Variants in PLIN5 observed in about 807,000 individuals in gnomAD.
PLIN5 encodes perilipin-5.
PLIN5 carries 34 observed loss-of-function variants against 32.8 expected under a neutral mutation model. The observed-to-expected ratio is 1.04, with a 90% CI of 0.79 to 1.38. The LOEUF (loss-of-function observed/expected upper bound fraction) is 1.38. Among genes scored for constraint, PLIN5 ranks in the 40% most tolerant of loss-of-function variants. The pLI is 0.00. For missense variants in PLIN5, 712 were observed against 660.5 expected (o/e 1.08, Z -0.85); for synonymous variants, 309 against 292.9 (o/e 1.05, Z -0.56).
Position 4,523,371 on chromosome 19 carries a change from G to A in PLIN5, c.*157C>T. 2.5e-6 allele frequency: 2 copies of A among 797,812 alleles called. No homozygotes were observed. Among genetic ancestry groups the A allele is most frequent in the Non-Finnish European group, 3.6e-6 (2 of 550,150 alleles). 49.4% of individuals were successfully genotyped at this position (797,812 alleles called of 1,614,324 possible). On this transcript the variant is annotated 3_prime_UTR_variant, in exon 8 of 8. Transcript: ENST00000381848. The surrounding 1 kb of genome is among the most constrained non-coding windows in gnomAD (Gnocchi z 5.0). ...CCATGTGTTCAAGGAAAAAATGGGA[G>A]AGTCCAATACCAAAAAGGTGGTCAG...
At position 4,527,538 on chromosome 19, in the gene PLIN5, CAAAA is replaced by C. The variant is rs1176219746; in HGVS notation, c.520+1531_520+1534del. Among the ~76,000 whole-genome samples, 94 of 29,654 alleles carry C rather than the reference CAAAA, an allele frequency of 3.2e-3. 1 individual carries two copies. The highest frequency in any genetic ancestry group is 0.011 in the African/African-American group (92 of 8,350). 19.5% of individuals were successfully genotyped at this position (29,654 alleles called of 152,430 possible). On this transcript the variant is annotated intron_variant, in intron 5 of 7. Coordinates refer to ENST00000381848, the MANE Select transcript of PLIN5 (RefSeq NM_001013706.3). ...TGGGCGACAGAGTGAGACTCCACTT[CAAAA>C]AAAAAAAAAAAAAAAAAAAAAAAAC... is the stretch of plus-strand genomic sequence containing the variant.
chr19:4,534,218 G>T, intron 1 of PLIN5, 123 bp from the exon 2 acceptor site: 1 of 742,800 alleles, frequency 1.3e-6, no homozygotes, highest in Admixed American at 2.2e-5. Context: ...TGCATAATGG[G>T]GCATTCTGTG....
chr19:4,529,989 G>C (rs1426747848), intron 3 of PLIN5, 123 bp from the exon 4 acceptor site: 1 of 538,308 alleles, frequency 1.9e-6, no homozygotes, highest in Admixed American at 3.2e-5. Flanking sequence ...AAGGAGACCA[G>C]GATAAGACAG....
chr19:4,533,480 T>G (rs1599765839), intron 2 of PLIN5: 1 of 166,126 alleles, frequency 6.0e-6, no homozygotes, highest in Non-Finnish European at 1.3e-5. Context: ...AGTCTGGGGG[T>G]TCAGAGCACT....
chr19:4,528,417 T>TC (rs1217038085), intron 5 of PLIN5: 1 of 142,286 alleles, frequency 7.0e-6, no homozygotes, highest in Admixed American at 6.7e-5. Flanking sequence ...GTTTTTCTTT[T>TC]TTTTTTTTTG....
chr19:4,524,722 T>TAAATAATA (rs1976777434), intron 7 of PLIN5, among the ~76,000 whole-genome samples: 1 of 148,728 alleles, frequency 6.7e-6, no homozygotes, highest in African/African-American at 2.5e-5. Context: ...CAAAAATAAA[T>TAAATAATA]AAATAATAAA....
rs1976752235 is a variant in PLIN5, at chr19:4,523,193, G to A, written c.*335C>T. ...ACCTGCCTCAGACTCCCAAAGTGCT[G>A]GGATTACAGGCGTGAGCCACTGTGC... On this transcript the variant is annotated 3_prime_UTR_variant, in exon 8 of 8. Transcript: ENST00000381848. The surrounding 1 kb of genome is among the most constrained non-coding windows in gnomAD (Gnocchi z 5.0). 1 of 227,992 alleles carries A rather than the reference G, an allele frequency of 4.4e-6. No homozygotes were observed. The highest frequency in any genetic ancestry group is 8.5e-6 in the Non-Finnish European group (1 of 117,680). 14.1% of individuals were successfully genotyped at this position (227,992 alleles called of 1,614,324 possible). A position where few individuals can be genotyped will look rare whatever the true frequency, so the allele number is the denominator to read the frequency against.
rs375098526 is a variant in PLIN5 at position 4,531,809 on chromosome 19, C to G, written c.74G>C (p.Arg25Pro). Residue 25 changes from arginine to proline, a missense_variant, in exon 3 of 8, where the codon CGT (arginine) becomes CCT (proline). Coordinates refer to ENST00000381848, the MANE Select transcript of PLIN5 (RefSeq NM_001013706.3). The stretch of plus-strand genomic sequence containing the variant: ...CCTGACCAGGGGCAGAGCCACCACA[C>G]GCTGCACCACGTTCTGCGGGAAGGG... ...WEQDQQNVVQ[R>P]VVALPLVRAT... is the part of the protein sequence containing the mutation. The G allele has an allele frequency of 1.9e-6, 3 of 1,559,458 alleles. No individual in the cohort carries two copies. The highest frequency in any genetic ancestry group is 4.7e-5 in the East Asian group (2 of 42,438).
chr19:4,524,001 C>T lies in PLIN5; in HGVS notation c.919G>A (p.Gly307Ser). ...TTCTCCTGGGCGCCGGCGGGCAGGC[C>T]CCGCACGCTGGACTCCAGAGCCTCT... ...TVEALESSVR[G>S]LPAGAQEKVA... The change falls in exon 8 of 8, where the codon GGC (glycine) becomes AGC (serine). Residue 307 changes from glycine to serine, a missense_variant. Coordinates refer to ENST00000381848, the MANE Select transcript of PLIN5 (RefSeq NM_001013706.3). 1 of 1,521,498 alleles carries T rather than the reference C, an allele frequency of 6.6e-7. No homozygotes were observed. Among genetic ancestry groups the T allele is most frequent in the Non-Finnish European group, 8.8e-7 (1 of 1,142,182 alleles). 94.2% of individuals were successfully genotyped at this position (1,521,498 alleles called of 1,614,324 possible).
At chr19:4,533,815 G>C (rs1976915345) in intron 2 of PLIN5, 200 bp downstream of exon 2, 1 of 626,748 alleles carries the variant, frequency 1.6e-6, no homozygotes, top group Non-Finnish European at 2.8e-6. Context: ...GGGTGTCTTT[G>C]AGAGACACTC....
Position 4,523,454 on chromosome 19 carries a change from G to T in PLIN5, c.*74C>A, listed in dbSNP as rs1254462948. On this transcript the variant is annotated 3_prime_UTR_variant, in exon 8 of 8. Coordinates refer to ENST00000381848, the MANE Select transcript of PLIN5 (RefSeq NM_001013706.3). The surrounding 1 kb of genome is among the most constrained non-coding windows in gnomAD (Gnocchi z 5.0). Reference sequence around the variant, plus strand: ...GTCAAGGCCAAGGCCTCGAGCTTACGTGTGGCCACCAGGGGGCAGCAGGGA... The same window carrying T: ...GTCAAGGCCAAGGCCTCGAGCTTACTTGTGGCCACCAGGGGGCAGCAGGGA... The T allele has an allele frequency of 2.7e-6, 4 of 1,465,294 alleles. No homozygotes were observed. Among genetic ancestry groups the T allele is most frequent in the Admixed American group, 4.8e-5 (2 of 41,814 alleles). 90.8% of individuals were successfully genotyped at this position (1,465,294 alleles called of 1,614,324 possible).
At chr19:4,529,276 T>C (rs1363602312) in intron 4 of PLIN5, 23 bp from the exon 5 acceptor site, 1 of 1,574,372 alleles carries the variant, frequency 6.4e-7, no homozygotes, top group Admixed American at 1.8e-5. Context: ...GCCCCCCCAC[T>C]CCAGGCACCG....
At position 4,528,912 on chromosome 19, in the gene PLIN5, G is replaced by A. The variant is rs1976841766; in HGVS notation, c.520+161C>T. 10 of 726,406 alleles carry A rather than the reference G, an allele frequency of 1.4e-5. No individual in the cohort carries two copies. The South Asian group carries it at 1.5e-4, about 11-fold the overall frequency. The allele number at this position is 726,406 out of a possible 1,614,324, so 45.0% of individuals were successfully genotyped here. On this transcript the variant is annotated intron_variant, in intron 5 of 7. Coordinates refer to ENST00000381848, the MANE Select transcript of PLIN5 (RefSeq NM_001013706.3). Reference sequence around the variant, plus strand: ...CTGGCGGGATGCAGGTTGAGGGGCCGTGGAAGTGACCGGGAGGGAGGACAG... The same window carrying A: ...CTGGCGGGATGCAGGTTGAGGGGCCATGGAAGTGACCGGGAGGGAGGACAG...
chr19:4,524,372 C>T (rs145106300), intron 7 of PLIN5, among the ~76,000 whole-genome samples: 3 of 152,216 alleles, frequency 2.0e-5, no homozygotes, highest in Non-Finnish European at 4.4e-5. Context: ...GCCAACATGG[C>T]GAAACCCCGT....
chr19:4,531,924 T>C, intron 2 of PLIN5, 102 bp from the exon 3 acceptor site: 1 of 1,241,120 alleles, frequency 8.1e-7, no homozygotes, highest in South Asian at 1.7e-5. Context: ...GATGGGAGAG[T>C]GGAAGGATGG....
chr19:4,526,154 T>A (rs1976800848), intron 5 of PLIN5, among the ~76,000 whole-genome samples: 1 of 151,996 alleles, frequency 6.6e-6, no homozygotes, highest in Admixed American at 6.6e-5. Context: ...AAAGGAGAGG[T>A]GAGATCCTGC....
rs1976885620 is a variant in PLIN5 at position 4,531,628 on chromosome 19, C to T, written c.255G>A (p.Gln85=). The T allele has an allele frequency of 6.6e-7, 1 of 1,516,128 alleles. No homozygotes were observed. The highest frequency in any genetic ancestry group is 8.8e-7 in the Non-Finnish European group (1 of 1,133,614). 93.9% of individuals were successfully genotyped at this position (1,516,128 alleles called of 1,614,324 possible). A position where few individuals can be genotyped will look rare whatever the true frequency, so the allele number is the denominator to read the frequency against. ...AQPLLEHLQP[Q]LATMNSLACR... is the part of the protein sequence containing the mutation. Reference sequence around the variant, plus strand: ...AGGGACACGGGCCAGGGCACTCACGCTGGGGCTGCAGGTGCTCGAGCAGCG... The same window carrying T: ...AGGGACACGGGCCAGGGCACTCACGTTGGGGCTGCAGGTGCTCGAGCAGCG... Residue 85 remains glutamine (Q), a splice_region_variant and synonymous_variant, in exon 3 of 8, where the codon CAG becomes CAA. Transcript: ENST00000381848.
rs1232923927 is a variant in PLIN5, at chr19:4,522,999, G to T, written c.*529C>A. On this transcript the variant is annotated 3_prime_UTR_variant, in exon 8 of 8. Transcript: ENST00000381848. ...GCGATCTCTGCTCACTGCAAGCTCC[G>T]CGCCTCTCGGGTTTAAGCAATTCTT... 6.6e-6 allele frequency: 1 copy of T among 152,296 alleles called. No individual in the cohort carries two copies. The highest frequency in any genetic ancestry group is 2.1e-4 in the South Asian group (1 of 4,842). The allele number at this position is 152,296 out of a possible 1,614,324, so 9.4% of individuals were successfully genotyped here. A position where few individuals can be genotyped will look rare whatever the true frequency, so the allele number is the denominator to read the frequency against.
rs1179060032 is a variant in PLIN5 at position 4,525,856 on chromosome 19, G to A, written c.521-24C>T. ...CGCTGGAGGACAGGATACGGGGACA[G>A]CACGGGGACAGGATACGGGGACAGC... is the stretch of plus-strand genomic sequence containing the variant. On this transcript the variant is annotated intron_variant, in intron 5 of 7. Transcript: ENST00000381848. This position sits in a 1 kb window ranked among gnomAD's most constrained non-coding sequence, Gnocchi z 5.6. The A allele has an allele frequency of 6.5e-7, 1 of 1,538,242 alleles. No individual in the cohort carries two copies. Among genetic ancestry groups the A allele is most frequent in the South Asian group, 1.1e-5 (1 of 87,112 alleles).
Sources: gnomAD v4.1 joint callset for allele counts (sites outside exome capture counted in the v4.1 genomes callset) on GRCh38, gnomAD v4.1.1 for gene constraint, Gnocchi (gnomAD v3.1) non-coding constraint, MANE v1.5 for transcripts, NCBI Gene and HGNC (gene_info 2026-07-23, HGNC 2026-07-21) for gene names.